Variants in ATP10B observed in about 807,000 individuals in gnomAD.
ATP10B encodes ATPase phospholipid transporting 10B (putative).
A neutral mutation model predicts 141.2 loss-of-function variants in ATP10B; 122 were observed. That is an observed-to-expected ratio of 0.86 (90% CI 0.75 to 1.00). ATP10B has a LOEUF of 1.00. Ranked by LOEUF, ATP10B falls within the 50% of genes least tolerant of loss-of-function variation. ATP10B has a pLI of 0.00. For missense variants in ATP10B, 1,876 were observed against 1,825.3 expected, an observed-to-expected ratio of 1.03 and a Z score of -0.51; for synonymous variants, 685 against 692.0, an observed-to-expected ratio of 0.99 and a Z score of 0.16.
chr5:160,787,111 C>CAG (rs970741891), intron 1 of ATP10B, among the ~76,000 whole-genome samples: 2 of 69,362 alleles, frequency 2.9e-5, no homozygotes, highest in Admixed American at 1.3e-4. Context: ...CACAGACACA[C>CAG]ACACACACAC....
chr5:160,601,151 A>T (rs767177118), intron 21 of ATP10B, among the ~76,000 whole-genome samples: 1 of 152,190 alleles, frequency 6.6e-6, no homozygotes, highest in Non-Finnish European at 1.5e-5. Flanking sequence ...GTTTGCGTAG[A>T]CTTGCTGAGA....
At chr5:160,780,268 C>T (rs1477055796) in intron 2 of ATP10B, among the ~76,000 whole-genome samples, 1 of 152,096 alleles carries the variant, frequency 6.6e-6, no homozygotes, top group Non-Finnish European at 1.5e-5. Context: ...AGCATGGAAG[C>T]TCACCTTATT....
At chr5:160,584,207 A>T (rs1204731596) in intron 24 of ATP10B, among the ~76,000 whole-genome samples, 1 of 152,156 alleles carries the variant, frequency 6.6e-6, no homozygotes, top group Non-Finnish European at 1.5e-5. Context: ...GATTGGGAAG[A>T]CTGTGGGAAA....
the ATP10B span, among the ~76,000 whole-genome samples, chr5:160,862,780 A>C: frequency 6.6e-6 from 1 of 151,926 alleles, no homozygotes; most frequent in East Asian, 1.9e-4. Flanking sequence ...ACCTTCTAAT[A>C]TATTTGGAAA....
chr5:160,620,584 G>A lies in ATP10B; in HGVS notation c.2179C>T (p.Leu727=). ...CTGTAGGCATGGGCAGCGTGCACCA[G>A]GGCGGCCTCATCAGGGCTCTCAGCC... is the stretch of plus-strand genomic sequence containing the variant. ...YEAESPDEAA[L]VHAAHAYSFT... The change falls in exon 15 of 26, where the codon CTG becomes TTG. Residue 727 remains leucine, a synonymous_variant. Transcript: ENST00000327245. 1 of 1,613,910 alleles carries A rather than the reference G, an allele frequency of 6.2e-7. No individual in the cohort carries two copies. Among genetic ancestry groups the A allele is most frequent in the Non-Finnish European group, 8.5e-7 (1 of 1,179,796 alleles).
intron 1 of ATP10B, among the ~76,000 whole-genome samples, chr5:160,845,516 C>T (rs1306977029): frequency 4.6e-5 from 7 of 152,110 alleles, no homozygotes; most frequent in Non-Finnish European, 1.0e-4. Context: ...AAAGTGTTCA[C>T]TTTGTTATAG....
At chr5:160,815,883 GA>G (rs1264312351) in intron 1 of ATP10B, among the ~76,000 whole-genome samples, 52 of 152,216 alleles carry the variant, frequency 3.4e-4, no homozygotes, top group African/African-American at 1.1e-3. Flanking sequence ...CAACTACATC[GA>G]AACTGAACAA....
At chr5:160,692,689 A>C (rs1476369977) in intron 3 of ATP10B, 1 of 152,236 alleles carries the variant, frequency 6.6e-6, no homozygotes, top group Non-Finnish European at 1.5e-5. Flanking sequence ...ACATAGGAAC[A>C]GAATCAGCAT....
intron 17 of ATP10B, among the ~76,000 whole-genome samples, chr5:160,613,243 G>C (rs1342072093): frequency 1.3e-5 from 2 of 152,198 alleles, no homozygotes; most frequent in African/African-American, 4.8e-5. Context: ...CTGAGACCTG[G>C]GAGATAATGC....
intron 1 of ATP10B, among the ~76,000 whole-genome samples, chr5:160,794,338 C>T (rs566402270): frequency 6.6e-6 from 1 of 152,294 alleles, no homozygotes; most frequent in Admixed American, 6.5e-5. Flanking sequence ...CTGCTCCAAT[C>T]ATGTGATTCT....
At chr5:160,597,530 C>A (rs529473939) in intron 22 of ATP10B, among the ~76,000 whole-genome samples, 28 of 152,112 alleles carry the variant, frequency 1.8e-4, no homozygotes, top group Non-Finnish European at 3.7e-4. Flanking sequence ...GCAACAAAAG[C>A]CAAAATTGAC....
At chr5:160,792,022 A>T (rs1162070099) in intron 1 of ATP10B, among the ~76,000 whole-genome samples, 1 of 152,082 alleles carries the variant, frequency 6.6e-6, no homozygotes, top group Non-Finnish European at 1.5e-5. Flanking sequence ...TCCATTTTCC[A>T]GTCTACCTTA....
intron 12 of ATP10B, 63 bp from the exon 13 acceptor site, chr5:160,632,430 C>A: frequency 1.3e-6 from 2 of 1,515,846 alleles, no homozygotes; most frequent in Non-Finnish European, 1.8e-6. Context: ...TTGGGGAAAA[C>A]CTAGACTTTG....
At chr5:160,764,212 C>T (rs1769242953) in intron 2 of ATP10B, among the ~76,000 whole-genome samples, 1 of 151,922 alleles carries the variant, frequency 6.6e-6, no homozygotes, top group African/African-American at 2.4e-5. Flanking sequence ...TTCTATGAAG[C>T]CAGTATTACC....
intron 13 of ATP10B, among the ~76,000 whole-genome samples, chr5:160,629,871 A>G (rs1041771353): frequency 1.3e-5 from 2 of 152,220 alleles, no homozygotes; most frequent in Non-Finnish European, 2.9e-5. Context: ...GTTAGCCTGC[A>G]GGTCAGCAAA....
intron 6 of ATP10B, among the ~76,000 whole-genome samples, chr5:160,675,229 G>C (rs1762950836): frequency 6.6e-6 from 1 of 152,210 alleles, no homozygotes; most frequent in Non-Finnish European, 1.5e-5. Context: ...CCCCCTACTA[G>C]AGGGTCCACA....
intron 2 of ATP10B, among the ~76,000 whole-genome samples, chr5:160,725,365 C>T (rs542313629): frequency 3.9e-5 from 6 of 152,138 alleles, no homozygotes; most frequent in Non-Finnish European, 8.8e-5. Context: ...CTTCTTCACT[C>T]TAGTTCTTGC....
intron 1 of ATP10B, among the ~76,000 whole-genome samples, chr5:160,810,844 T>A (rs1279629563): frequency 1.3e-5 from 2 of 152,238 alleles, no homozygotes; most frequent in Non-Finnish European, 2.9e-5. Context: ...GTGATGTTGA[T>A]CTTGCTTGCT....
chr5:160,652,963 A>AT (rs1760978363), intron 7 of ATP10B, among the ~76,000 whole-genome samples: 13 of 86,598 alleles, frequency 1.5e-4, no homozygotes, highest in Non-Finnish European at 2.5e-4. Context: ...TTATATATAC[A>AT]TGTATATATA....
Sources: gnomAD v4.1 joint callset for allele counts (sites outside exome capture counted in the v4.1 genomes callset) on GRCh38, gnomAD v4.1.1 for gene constraint, MANE v1.5 for transcripts, NCBI Gene and HGNC (gene_info 2026-07-23, HGNC 2026-07-21) for gene names.